The following TRIM37 variants were observed in gnomAD, a reference collection of about 807,000 sequenced individuals.
The protein encoded by TRIM37 is E3 ubiquitin-protein ligase TRIM37.
A neutral mutation model predicts 129.8 loss-of-function variants in TRIM37; 80 were observed. The ratio of observed to expected loss-of-function variants is 0.62; its 90% CI spans 0.51 to 0.74. The LOEUF is 0.74. Among genes scored for constraint, TRIM37 ranks in the 30% least tolerant of loss-of-function variants. The pLI is 0.00. For missense variants in TRIM37, 1,054 were observed against 1,176.5 expected (o/e 0.90, Z 1.52); for synonymous variants, 389 against 387.1 (o/e 1.00, Z -0.06).
In TRIM37 at chr17:59,073,491, A is replaced by G. The variant is rs540594869; in HGVS notation, c.684+2156T>C. The stretch of plus-strand genomic sequence containing the variant: ...GTATTTTTAGTAGAGACGGGGTTTC[A>G]CCATGTTGCCCAGGCTGGTCTTGAA... On this transcript the variant is annotated intron_variant, in intron 8 of 23. Coordinates refer to ENST00000262294, the MANE Select transcript of TRIM37 (RefSeq NM_015294.6). Among the ~76,000 whole-genome samples the G allele has an allele frequency of 5.3e-5, 8 of 152,070 alleles. No individual in the cohort carries two copies. The South Asian group carries it at 1.7e-3, about 32-fold the overall frequency.
At chr17:59,067,277 T>C (rs1030197921) in intron 9 of TRIM37, among the ~76,000 whole-genome samples, 2 of 152,206 alleles carry the variant, frequency 1.3e-5, no homozygotes, top group African/African-American at 4.8e-5. Flanking sequence ...CTTTATCTTT[T>C]CATAGTTTTA....
chr17:59,044,904 A>C (rs1260003006), intron 16 of TRIM37, among the ~76,000 whole-genome samples: 1 of 152,072 alleles, frequency 6.6e-6, no homozygotes, highest in Non-Finnish European at 1.5e-5. Flanking sequence ...GTGATGATGC[A>C]CACCAGTAGT....
chr17:59,056,759 TATAGTTAGTATGA>T (rs1483318272), intron 13 of TRIM37, 103 bp downstream of exon 13: 2 of 456,362 alleles, frequency 4.4e-6, no homozygotes, highest in Non-Finnish European at 8.2e-6. Flanking sequence ...GTGATAAGGT[TATAGTTAGTATGA>T]ATTTCAATAT....
intron 22 of TRIM37, among the ~76,000 whole-genome samples, chr17:59,011,365 G>A (rs938862905): frequency 7.9e-5 from 12 of 152,116 alleles, no homozygotes; most frequent in Admixed American, 7.9e-4. Flanking sequence ...AAAATATTTA[G>A]TGTTCTTTAA....
chr17:59,077,671 G>T (rs1405547250), intron 7 of TRIM37, among the ~76,000 whole-genome samples: 1 of 151,818 alleles, frequency 6.6e-6, no homozygotes, highest in Non-Finnish European at 1.5e-5. Context: ...TTAGCAGGGC[G>T]TGGTGGCACG....
intron 22 of TRIM37, among the ~76,000 whole-genome samples, chr17:59,005,703 G>A (rs1001322290): frequency 1.3e-5 from 2 of 152,158 alleles, no homozygotes; most frequent in Admixed American, 1.3e-4. Context: ...ATAATGTCAC[G>A]TTTAGAACTC....
intron 2 of TRIM37, among the ~76,000 whole-genome samples, chr17:59,096,560 A>AC (rs2044898745): frequency 1.4e-5 from 2 of 141,930 alleles, no homozygotes; most frequent in East Asian, 2.0e-4. Flanking sequence ...AAAAAAAAAA[A>AC]AACAAAAAAA....
At chr17:58,980,589 A>C (rs777582558), downstream of TRIM37, 10 of 1,614,080 alleles carry the variant, frequency 6.2e-6, no homozygotes, top group South Asian at 1.1e-4. The surrounding 1 kb of genome is among the most constrained non-coding windows in gnomAD (Gnocchi z 4.7). Context: ...TTAATGATGG[A>C]GAAAAAATCA....
chr17:59,055,385 G>C (rs2040756092), intron 13 of TRIM37, among the ~76,000 whole-genome samples: 1 of 146,540 alleles, frequency 6.8e-6, no homozygotes, highest in African/African-American at 2.5e-5. Flanking sequence ...AATACCACAT[G>C]TTCTCACTTA....
At chr17:58,969,583 G>C in the TRIM37 span, 1 of 1,614,132 alleles carries the variant, frequency 6.2e-7, no homozygotes, top group Non-Finnish European at 8.5e-7. Flanking sequence ...ATGGCCATGG[G>C]GGAGTAGATG....
rs1273040608 is a variant in TRIM37, at chr17:59,032,037, A to C, written c.1807T>G (p.Leu603Val). 4 of 1,614,058 alleles carry C rather than the reference A, an allele frequency of 2.5e-6. No individual in the cohort carries two copies. Among genetic ancestry groups the C allele is most frequent in the Non-Finnish European group, 2.5e-6 (3 of 1,180,056 alleles). ...AAACTACTGGTAGCAGCGGAGCATA[A>C]ATGTGTTCTTCTTGATATTCTACTA... is the stretch of plus-strand genomic sequence containing the variant. ...SSSRISRRTH[L>V]CSAATSSLLD... is the part of the protein sequence containing the mutation. Residue 603 changes from leucine to valine, a missense_variant, in exon 18 of 24, where the codon TTA becomes GTA. Leu to Val is a conservative substitution (Grantham distance 32). Transcript: ENST00000262294.
intron 7 of TRIM37, among the ~76,000 whole-genome samples, 158 bp from the exon 8 acceptor site, chr17:59,075,872 G>A (rs1228276755): frequency 1.3e-5 from 2 of 152,044 alleles, no homozygotes; most frequent in African/African-American, 4.8e-5. Flanking sequence ...ACTTTAAGAG[G>A]CTGAATATTA....
At chr17:59,088,143 A>G in intron 4 of TRIM37, 148 bp downstream of exon 4, 1 of 647,728 alleles carries the variant, frequency 1.5e-6, no homozygotes. Context: ...GTTACTTAAC[A>G]GTAACAGCGC....
chr17:59,041,427 A>G (rs1345155293), intron 17 of TRIM37, among the ~76,000 whole-genome samples: 3 of 152,236 alleles, frequency 2.0e-5, no homozygotes, highest in Admixed American at 6.5e-5. Flanking sequence ...ATAAGACTTT[A>G]TATCAGAAAG....
At chr17:59,038,558 A>T (rs190585485) in intron 17 of TRIM37, among the ~76,000 whole-genome samples, 78 of 152,306 alleles carry the variant, frequency 5.1e-4, no homozygotes, top group African/African-American at 1.7e-3. Context: ...TAGATAGTAA[A>T]ACTGTACACA....
chr17:58,999,769 C>T (rs1290068167), intron 23 of TRIM37, among the ~76,000 whole-genome samples: 1 of 152,160 alleles, frequency 6.6e-6, no homozygotes, highest in Non-Finnish European at 1.5e-5. Context: ...GAACAAGAAG[C>T]AATGGTGTAT....
At chr17:59,032,851 G>A (rs1006409931) in intron 17 of TRIM37, among the ~76,000 whole-genome samples, 1 of 152,066 alleles carries the variant, frequency 6.6e-6, no homozygotes, top group Non-Finnish European at 1.5e-5. Context: ...AAATGTATAG[G>A]TCATGACAGT....
chr17:59,046,010 C>T (rs2039760525), intron 16 of TRIM37, among the ~76,000 whole-genome samples: 1 of 150,258 alleles, frequency 6.7e-6, no homozygotes. Context: ...AGCAAGACTC[C>T]ATCTCAAAAA....
chr17:59,019,225 A>G (rs1598927816), intron 19 of TRIM37, among the ~76,000 whole-genome samples: 1 of 152,242 alleles, frequency 6.6e-6, no homozygotes, highest in East Asian at 1.9e-4. Flanking sequence ...ACTACTGATA[A>G]TAGCCAAAAA....
Sources: gnomAD v4.1 joint callset for allele counts (sites outside exome capture counted in the v4.1 genomes callset) on GRCh38, gnomAD v4.1.1 for gene constraint, Gnocchi (gnomAD v3.1) non-coding constraint, MANE v1.5 for transcripts, NCBI Gene and HGNC (gene_info 2026-07-23, HGNC 2026-07-21) for gene names.